The following CDHR1 variants were observed in gnomAD, a reference collection of about 807,000 sequenced individuals.
The protein encoded by CDHR1 is cadherin-related family member 1.
CDHR1 carries 61 observed loss-of-function variants against 72.1 expected under a neutral mutation model. The observed-to-expected ratio is 0.85, with a 90% CI of 0.69 to 1.05. The LOEUF (loss-of-function observed/expected upper bound fraction) is 1.05. CDHR1 is among the 50% of genes least tolerant of loss of function. CDHR1 has a pLI of 0.00. For synonymous variants in CDHR1, 470 were observed against 448.1 expected (o/e 1.05, Z -0.62); for missense variants, 1,186 against 1,115.7 (o/e 1.06, Z -0.90).
Position 84,213,191 on chromosome 10 carries a change from A to G in CDHR1, c.1883A>G (p.Glu628Gly), listed in dbSNP as rs1842368184. 6.2e-7 allele frequency: 1 copy of G among 1,614,146 alleles called. No homozygotes were observed. The highest frequency in any genetic ancestry group is 8.5e-7 in the Non-Finnish European group (1 of 1,180,024). ...TTCGACATCAATTCCCACACGGGGG[A>G]GATCTGGCTCAAGAATTCCATCCGC... is the stretch of plus-strand genomic sequence containing the variant. Reference protein sequence around the residue: ...NVFDINSHTGEIWLKNSIRSL... With the variant: ...NVFDINSHTGGIWLKNSIRSL... Residue 628 changes from glutamate (E) to glycine (G), a missense_variant, in exon 16 of 17, where the codon GAG (glutamate) becomes GGG (glycine). Transcript: ENST00000623527.
chr10:84,205,514 T>TCACACACACACACACACACACA, intron 9 of CDHR1, among the ~76,000 whole-genome samples: 1 of 145,118 alleles, frequency 6.9e-6, no homozygotes, highest in Non-Finnish European at 1.5e-5. Context: ...TCTCTTTTCT[T>TCACACACACACACACACACACA]CACACACACA....
At chr10:84,198,035 G>A (rs1245005565) in intron 4 of CDHR1, among the ~76,000 whole-genome samples, 199 bp downstream of exon 4, 1 of 152,216 alleles carries the variant, frequency 6.6e-6, no homozygotes, top group East Asian at 1.9e-4. Context: ...AAGGAATGGA[G>A]AGATCAGGCT....
downstream of CDHR1, chr10:84,219,510 T>G (rs1020185433): frequency 4.0e-5 from 21 of 522,164 alleles, 2 homozygotes; most frequent in South Asian, 4.0e-4. Context: ...ACCTTCATGG[T>G]AGCCCAGGCT....
In CDHR1 at chr10:84,212,207, A is replaced by C; in HGVS notation, c.1582A>C (p.Ile528Leu). The C allele has an allele frequency of 6.2e-7, 1 of 1,614,198 alleles. No homozygotes were observed. The highest frequency in any genetic ancestry group is 1.3e-5 in the African/African-American group (1 of 75,042). Reference sequence around the variant, plus strand: ...CCTGATCCACCCATCCACTGGGCTTATCTACACCCAGCCCTGGGCTAGCCT... The same window carrying C: ...CCTGATCCACCCATCCACTGGGCTTCTCTACACCCAGCCCTGGGCTAGCCT... ...LFLIHPSTGLIYTQPWASLDA... is the reference protein window; with the variant it reads ...LFLIHPSTGLLYTQPWASLDA... Residue 528 changes from isoleucine to leucine, a missense_variant, in exon 15 of 17, where the codon ATC (isoleucine) becomes CTC (leucine). By Grantham distance (5) the Ile-to-Leu change is conservative. Transcript: ENST00000623527.
At chr10:84,199,174 A>G in intron 5 of CDHR1, 53 bp downstream of exon 5, 1 of 1,448,524 alleles carries the variant, frequency 6.9e-7, no homozygotes, top group Non-Finnish European at 9.5e-7. Context: ...CCCATAGCCT[A>G]CCCCTGGGGC....
intron 2 of CDHR1, among the ~76,000 whole-genome samples, chr10:84,196,100 G>C (rs1294628707): frequency 6.6e-6 from 1 of 152,204 alleles, no homozygotes; most frequent in Non-Finnish European, 1.5e-5. Context: ...GTGGTGCACT[G>C]TGGGTCACCC....
rs1012173058 is a variant in CDHR1 at position 84,215,889 on chromosome 10, C to T, written c.*1268C>T. On this transcript the variant is annotated 3_prime_UTR_variant, in exon 17 of 17. Coordinates refer to ENST00000623527, the MANE Select transcript of CDHR1 (RefSeq NM_033100.4). ...CCCCGCTACCGTCCTGGCCAGCTAC[C>T]GTCAGAGAGAACCAGAGCTCCAAGT... 7 of 985,306 alleles carry T rather than the reference C, an allele frequency of 7.1e-6. No individual in the cohort carries two copies. The highest frequency in any genetic ancestry group is 7.2e-6 in the Non-Finnish European group (6 of 829,982). 61.0% of individuals were successfully genotyped at this position (985,306 alleles called of 1,614,324 possible).
intron 10 of CDHR1, 93 bp from the exon 11 acceptor site, chr10:84,208,081 G>A (rs965410720): frequency 2.5e-5 from 28 of 1,141,288 alleles, no homozygotes; most frequent in Middle Eastern, 2.5e-4. Context: ...ACACTCAAAC[G>A]GAGGGGATTA....
intron 15 of CDHR1, among the ~76,000 whole-genome samples, chr10:84,212,708 T>G (rs1283462055): frequency 1.3e-5 from 2 of 152,202 alleles, no homozygotes; most frequent in African/African-American, 4.8e-5. Context: ...ACTTTGTCAT[T>G]TTGCCAATGT....
rs774853635 is a variant in CDHR1 at position 84,195,614 on chromosome 10, C to G, written c.151+25C>G. ...GGTGAGTAGCCCTGGCACCTGCTCC[C>G]GATAGGTCTCCCTGAGGGGTGCAGG... On this transcript the variant is annotated intron_variant, in intron 2 of 16. Coordinates refer to ENST00000623527, the MANE Select transcript of CDHR1 (RefSeq NM_033100.4). 6 of 1,587,850 alleles carry G rather than the reference C, an allele frequency of 3.8e-6. No homozygotes were observed. In the South Asian group the frequency reaches 4.4e-5, roughly 12 times the overall value.
intron 10 of CDHR1, among the ~76,000 whole-genome samples, chr10:84,206,337 TC>T (rs370261401): frequency 1.7e-4 from 26 of 151,960 alleles, no homozygotes; most frequent in African/African-American, 6.3e-4. Context: ...AACGTTGGAC[TC>T]CCAGGCTGGG....
intron 8 of CDHR1, 96 bp from the exon 9 acceptor site, chr10:84,204,431 G>C: frequency 6.8e-6 from 6 of 878,960 alleles, no homozygotes; most frequent in South Asian, 6.6e-5. Context: ...TTTCCTAGGT[G>C]GGGGTAGCAC....
chr10:84,194,697 G>T lies in CDHR1; in HGVS notation c.-64G>T. ...TCTCTGCCCTCCCCGCGGGCCCAGG[G>T]CATGCTCCGTGCCCCTGCGCCCGGT... is the stretch of plus-strand genomic sequence containing the variant. On this transcript the variant is annotated 5_prime_UTR_variant, in exon 1 of 17. Transcript: ENST00000623527. 1 of 1,372,044 alleles carries T rather than the reference G, an allele frequency of 7.3e-7. No individual in the cohort carries two copies. The highest frequency in any genetic ancestry group is 9.5e-7 in the Non-Finnish European group (1 of 1,048,224). The allele number at this position is 1,372,044 out of a possible 1,614,324, so 85.0% of individuals were successfully genotyped here. A position where few individuals can be genotyped will look rare whatever the true frequency, so the allele number is the denominator to read the frequency against.
chr10:84,211,538 C>A, intron 13 of CDHR1, 110 bp from the exon 14 acceptor site: 3 of 1,003,648 alleles, frequency 3.0e-6, no homozygotes, highest in South Asian at 1.4e-5. Flanking sequence ...CCCAGTTGGG[C>A]AAACCCCAAA....
intron 13 of CDHR1, 35 bp from the exon 14 acceptor site, chr10:84,211,613 G>C: frequency 6.3e-7 from 1 of 1,594,848 alleles, no homozygotes; most frequent in Non-Finnish European, 8.6e-7. Flanking sequence ...CCCTGACAAA[G>C]AGGCACGTGC....
chr10:84,204,665 T>A, intron 9 of CDHR1, 60 bp downstream of exon 9: 1 of 1,129,840 alleles, frequency 8.9e-7, no homozygotes, highest in South Asian at 1.2e-5. Flanking sequence ...AGAGCAAGGT[T>A]CCTCAACCTC....
In CDHR1 at chr10:84,217,376, G is replaced by A. The variant is rs969056177; in HGVS notation, c.*2755G>A. On this transcript the variant is annotated 3_prime_UTR_variant, in exon 17 of 17. Transcript: ENST00000623527. ...TGGATGTGACACCAAATACTCTGCA[G>A]AGTCATTTTCCTCCTGCGGCTGAGC... The A allele has an allele frequency of 1.0e-5, 10 of 985,358 alleles. No individual in the cohort carries two copies. The highest frequency in any genetic ancestry group is 1.1e-5 in the Non-Finnish European group (9 of 829,948). 61.0% of individuals were successfully genotyped at this position (985,358 alleles called of 1,614,324 possible). A position where few individuals can be genotyped will look rare whatever the true frequency, so the allele number is the denominator to read the frequency against.
chr10:84,201,969 T>C (rs756248913), intron 7 of CDHR1, 49 bp downstream of exon 7: 12 of 1,452,422 alleles, frequency 8.3e-6, no homozygotes, highest in African/African-American at 4.2e-5. Flanking sequence ...AGCCCTTGGG[T>C]TGGAACCAAG....
Position 84,213,307 on chromosome 10 carries a change from A to C in CDHR1, c.1999A>C (p.Ser667Arg). The change falls in exon 16 of 17, where the codon AGC becomes CGC. Residue 667 changes from serine to arginine, a missense_variant. Coordinates refer to ENST00000623527, the MANE Select transcript of CDHR1 (RefSeq NM_033100.4). ...CAAGGACCGGGGCTCCCCATCCTTC[A>C]GCACCACAGCCTTACTCAAGATTGA... is the stretch of plus-strand genomic sequence containing the variant. ...QAKDRGSPSF[S>R]TTALLKIDIT... The C allele has an allele frequency of 6.2e-7, 1 of 1,614,232 alleles. No homozygotes were observed. Among genetic ancestry groups the C allele is most frequent in the Non-Finnish European group, 8.5e-7 (1 of 1,180,044 alleles).
Sources: gnomAD v4.1 joint callset for allele counts (sites outside exome capture counted in the v4.1 genomes callset) on GRCh38, gnomAD v4.1.1 for gene constraint, MANE v1.5 for transcripts, NCBI Gene and HGNC (gene_info 2026-07-23, HGNC 2026-07-21) for gene names.